Variants in C5 observed in about 807,000 individuals in gnomAD.
C5 encodes the protein complement C5.
In C5, 140 loss-of-function variants were observed where a neutral mutation model predicts 218.8. The ratio of observed to expected loss-of-function variants is 0.64; its 90% CI spans 0.56 to 0.74. The LOEUF (loss-of-function observed/expected upper bound fraction) is 0.74, where lower values mean the gene tolerates loss of function less well. Among genes scored for constraint, C5 ranks in the 30% least tolerant of loss-of-function variants. The pLI is 0.00. For synonymous variants in C5, 614 were observed against 682.3 expected (o/e 0.90, Z 1.56); for missense variants, 1,700 against 1,969.6 (o/e 0.86, Z 2.59).
rs2047285251 is a variant in C5 at position 121,013,990 on chromosome 9, G to A, written c.2140C>T (p.Arg714Ter). 4 of 1,614,124 alleles carry A rather than the reference G, an allele frequency of 2.5e-6. No homozygotes were observed. The highest frequency in any genetic ancestry group is 4.5e-5 in the East Asian group (2 of 44,888). ...GGCCCTAAACTAATCCGTGCAGCTC[G>A]CTGCTCACAGGTTTCATCATTATTA... is the stretch of plus-strand genomic sequence containing the variant. ...CVNNDETCEQ[R>*]AARISLGPRC... Residue 714 changes from arginine (R) to a stop codon, truncating the protein, a stop_gained, in exon 17 of 41, where the codon CGA becomes TGA. Coordinates refer to ENST00000223642, the MANE Select transcript of C5 (RefSeq NM_001735.3). LOFTEE classifies it high-confidence loss of function.
intron 20 of C5, 110 bp from the exon 21 acceptor site, chr9:120,997,884 C>A (rs1443741157): frequency 4.7e-6 from 4 of 856,430 alleles, no homozygotes; most frequent in Admixed American, 2.1e-5. Flanking sequence ...CTCACTGCAA[C>A]CTCCGCCTCC....
chr9:121,057,851 T>C, the C5 span, among the ~76,000 whole-genome samples: 1 of 152,178 alleles, frequency 6.6e-6, no homozygotes, highest in Non-Finnish European at 1.5e-5. Context: ...TTTTGTCTCT[T>C]GTTATGGCAT....
chr9:120,999,796 A>G (rs527660977), intron 20 of C5: 1 of 388,784 alleles, frequency 2.6e-6, no homozygotes, highest in East Asian at 9.8e-5. Flanking sequence ...AGCCCAAAAT[A>G]TCACAGATGT....
intron 17 of C5, among the ~76,000 whole-genome samples, chr9:121,012,234 C>T (rs1426783968): frequency 6.6e-6 from 1 of 151,482 alleles, no homozygotes; most frequent in Non-Finnish European, 1.5e-5. Flanking sequence ...CCCGTAAATA[C>T]TATTTACCCA....
intron 22 of C5, among the ~76,000 whole-genome samples, chr9:120,992,398 C>G (rs767080586): frequency 5.3e-5 from 8 of 152,194 alleles, no homozygotes; most frequent in Non-Finnish European, 1.2e-4. Flanking sequence ...CTTTCTTAGC[C>G]TCAATTTGTT....
chr9:121,056,061 T>C, the C5 span, among the ~76,000 whole-genome samples: 1 of 152,244 alleles, frequency 6.6e-6, no homozygotes, highest in African/African-American at 2.4e-5. Context: ...AGTGCTGAGA[T>C]GGCTGCAGTA....
the C5 span, among the ~76,000 whole-genome samples, chr9:121,064,239 CTTAAG>C: frequency 1.3e-5 from 2 of 151,806 alleles, no homozygotes; most frequent in Non-Finnish European, 2.9e-5. Context: ...GTTTTTCAAT[CTTAAG>C]TTAACTTCAC....
chr9:120,991,178 T>A lies in C5; in HGVS notation c.2941+13A>T. The A allele has an allele frequency of 6.9e-7, 1 of 1,444,982 alleles. No homozygotes were observed. The highest frequency in any genetic ancestry group is 9.7e-7 in the Non-Finnish European group (1 of 1,026,138). 89.5% of individuals were successfully genotyped at this position (1,444,982 alleles called of 1,614,324 possible). On this transcript the variant is annotated intron_variant, in intron 23 of 40. Transcript: ENST00000223642. ...AGTGAAATGAGAAATAAAAATGGCA[T>A]TTGTTAATTTACCTTTTACACTCAA...
At chr9:120,954,804 A>G (rs1216528509) in intron 39 of C5, among the ~76,000 whole-genome samples, 1 of 152,254 alleles carries the variant, frequency 6.6e-6, no homozygotes, top group Non-Finnish European at 1.5e-5. Context: ...CATTAGTGAT[A>G]TAAATTTCAG....
At chr9:121,072,983 T>G in the C5 span, among the ~76,000 whole-genome samples, 3 of 152,176 alleles carry the variant, frequency 2.0e-5, no homozygotes, top group African/African-American at 7.2e-5. Context: ...CACATTTAAG[T>G]AAAAGGAAAA....
At chr9:121,038,923 C>G (rs542204399) in intron 3 of C5, among the ~76,000 whole-genome samples, 1 of 152,322 alleles carries the variant, frequency 6.6e-6, no homozygotes, top group East Asian at 1.9e-4. Flanking sequence ...AATCCTATCT[C>G]CTGCTTTTTG....
At chr9:121,031,822 T>C (rs55982583) in intron 6 of C5, among the ~76,000 whole-genome samples, 218 of 152,274 alleles carry the variant, frequency 1.4e-3, no homozygotes, top group South Asian at 5.4e-3. Context: ...TCCCAGCACT[T>C]TGGGAGGCCG....
intron 8 of C5, 117 bp from the exon 9 acceptor site, chr9:121,025,697 G>A (rs917678296): frequency 1.0e-6 from 1 of 959,914 alleles, no homozygotes. Context: ...GAATGGTTTA[G>A]TGTCAAAAGT....
At chr9:120,969,458 C>T (rs891413583) in intron 32 of C5, among the ~76,000 whole-genome samples, 10 of 152,102 alleles carry the variant, frequency 6.6e-5, no homozygotes, top group African/African-American at 2.4e-4. Flanking sequence ...TGGGAAGTTT[C>T]CTGTAGGAAC....
intron 40 of C5, among the ~76,000 whole-genome samples, chr9:120,953,213 C>T (rs373495914): frequency 1.6e-4 from 25 of 152,246 alleles, no homozygotes; most frequent in African/African-American, 4.6e-4. Context: ...TGTGAGCCAC[C>T]GTGCCCAGCC....
intron 17 of C5, among the ~76,000 whole-genome samples, chr9:121,012,651 C>T (rs2047271486): frequency 1.3e-5 from 2 of 152,142 alleles, no homozygotes; most frequent in African/African-American, 4.8e-5. Flanking sequence ...TTAGATATTG[C>T]TTAACAATAG....
Position 121,014,189 on chromosome 9 carries a change from T to C in C5, c.2060-119A>G, listed in dbSNP as rs192340368. The stretch of plus-strand genomic sequence containing the variant: ...TATATGATCCCCCTACCCACAATAG[T>C]TATGGCTAGTTGACTGTCCAGACTC... On this transcript the variant is annotated intron_variant, in intron 16 of 40. Transcript: ENST00000223642. The C allele has an allele frequency of 6.0e-6, 5 of 832,106 alleles. No individual in the cohort carries two copies. The East Asian group carries it at 1.1e-4, about 18-fold the overall frequency. The allele number at this position is 832,106 out of a possible 1,614,324, so 51.5% of individuals were successfully genotyped here. A position where few individuals can be genotyped will look rare whatever the true frequency, so the allele number is the denominator to read the frequency against.
At chr9:120,983,586 C>T (rs973752047) in intron 25 of C5, among the ~76,000 whole-genome samples, 1 of 152,016 alleles carries the variant, frequency 6.6e-6, no homozygotes, top group African/African-American at 2.4e-5. Context: ...GAGGTAAAAC[C>T]CTCACATGAT....
intron 25 of C5, 99 bp from the exon 26 acceptor site, chr9:120,982,913 T>G (rs2047005738): frequency 6.8e-6 from 5 of 732,970 alleles, no homozygotes; most frequent in Non-Finnish European, 1.1e-5. Context: ...AAAATAACAT[T>G]TTAAAACATG....
Sources: gnomAD v4.1 joint callset for allele counts (sites outside exome capture counted in the v4.1 genomes callset) on GRCh38, gnomAD v4.1.1 for gene constraint, MANE v1.5 for transcripts, NCBI Gene and HGNC (gene_info 2026-07-23, HGNC 2026-07-21) for gene names.